Variants in HSD11B1L observed in about 807,000 individuals in gnomAD.
HSD11B1L encodes the protein hydroxysteroid 11-beta-dehydrogenase 1-like protein.
HSD11B1L carries 22 observed loss-of-function variants against 27.0 expected under a neutral mutation model. The observed-to-expected ratio is 0.81, with a 90% CI of 0.58 to 1.16. The LOEUF (loss-of-function observed/expected upper bound fraction) is 1.16, where lower values mean the gene tolerates loss of function less well. Ranked by LOEUF, HSD11B1L falls within the 50% of genes most tolerant of loss-of-function variation. HSD11B1L has a pLI of 0.00. For synonymous variants in HSD11B1L, 187 were observed against 189.2 expected (o/e 0.99, Z 0.09); for missense variants, 372 against 401.8 (o/e 0.93, Z 0.63).
chr19:5,687,447 G>A lies in HSD11B1L; in HGVS notation c.503-56G>A. 1 of 1,592,762 alleles carries A rather than the reference G, an allele frequency of 6.3e-7. No homozygotes were observed. Among genetic ancestry groups the A allele is most frequent in the Non-Finnish European group, 8.5e-7 (1 of 1,173,694 alleles). On this transcript the variant is annotated intron_variant, in intron 6 of 7. Transcript: ENST00000339423. The surrounding 1 kb of genome is among the most constrained non-coding windows in gnomAD (Gnocchi z 6.6). ...CGATGCGGGTGAGCCTGGAGGGTCT[G>A]GGCAGGCTTCCCGGACGAGGGGGAG...
At position 5,687,196 on chromosome 19, in the gene HSD11B1L, C is replaced by A; in HGVS notation, c.409-86C>A. 1 of 1,444,608 alleles carries A rather than the reference C, an allele frequency of 6.9e-7. No individual in the cohort carries two copies. The highest frequency in any genetic ancestry group is 9.5e-7 in the Non-Finnish European group (1 of 1,054,310). 89.5% of individuals were successfully genotyped at this position (1,444,608 alleles called of 1,614,324 possible). A position where few individuals can be genotyped will look rare whatever the true frequency, so the allele number is the denominator to read the frequency against. ...CGGGTTTCTGGCCCCGTCTCTGACC[C>A]GGCCCTGGCCCCGCCCTCTGGGTTT... is the stretch of plus-strand genomic sequence containing the variant. On this transcript the variant is annotated intron_variant, in intron 5 of 7. Transcript: ENST00000339423. This position sits in a 1 kb window ranked among gnomAD's most constrained non-coding sequence, Gnocchi z 6.6.
intron 1 of HSD11B1L, among the ~76,000 whole-genome samples, chr19:5,681,779 C>A (rs1038757184): frequency 1.3e-5 from 2 of 151,800 alleles, no homozygotes; most frequent in African/African-American, 4.8e-5. Flanking sequence ...ATCCATCCAT[C>A]CACCCATCCA....
chr19:5,684,647 C>G, intron 1 of HSD11B1L, 172 bp from the exon 2 acceptor site: 1 of 943,190 alleles, frequency 1.1e-6, no homozygotes, highest in Non-Finnish European at 1.5e-6. Flanking sequence ...TGCGGTGGTT[C>G]ATGGAGCCGC....
chr19:5,687,751 AG>A lies in HSD11B1L; in HGVS notation c.671del. The A allele has an allele frequency of 6.7e-7, 1 of 1,485,780 alleles. No homozygotes were observed. 92.0% of individuals were successfully genotyped at this position (1,485,780 alleles called of 1,614,324 possible). ...GTCCCCACCGTGCCCTCCTGTCCCC[AG>A]GGGAGTCACGAGGGTCAAGGCGGCC... On this transcript the variant is annotated splice_acceptor_variant, in intron 7 of 7. Transcript: ENST00000339423. LOFTEE classifies it high-confidence loss of function. This position sits in a 1 kb window ranked among gnomAD's most constrained non-coding sequence, Gnocchi z 6.6.
Position 5,686,496 on chromosome 19 carries a change from G to A in HSD11B1L, c.285G>A (p.Glu95=), listed in dbSNP as rs1233773654. Reference sequence around the variant, plus strand: ...ACATGGCCTCCCCTGAGGCGCCCGAGAGCGTGGTGCAGTTTGCGCTGGACA... The same window carrying A: ...ACATGGCCTCCCCTGAGGCGCCCGAAAGCGTGGTGCAGTTTGCGCTGGACA... The part of the protein sequence containing the change: ...AADMASPEAP[E]SVVQFALDKL... Residue 95 remains glutamate (E), a synonymous_variant, in exon 4 of 8, where the codon GAG becomes GAA. Transcript: ENST00000339423. 9 of 1,584,652 alleles carry A rather than the reference G, an allele frequency of 5.7e-6. No individual in the cohort carries two copies. In the South Asian group the frequency reaches 5.8e-5, roughly 10 times the overall value.
At chr19:5,684,071 G>T in intron 1 of HSD11B1L, 1 of 479,758 alleles carries the variant, frequency 2.1e-6, no homozygotes, top group Non-Finnish European at 3.7e-6. Flanking sequence ...TGCCTCCCAG[G>T]TTCAAGCGAT....
Position 5,686,916 on chromosome 19 carries a change from C to T in HSD11B1L, c.333C>T (p.Leu111=), listed in dbSNP as rs1269320221. ...CTGGGCCAGGCGGGCTGGACTACCT[C>T]GTGCTGAACCACATCGGCGGCGCCC... The part of the protein sequence containing the change: ...ALDKLGGLDY[L]VLNHIGGAPA... The change falls in exon 5 of 8, where the codon CTC becomes CTT. Residue 111 remains leucine (L), a synonymous_variant. Coordinates refer to ENST00000339423, the MANE Select transcript of HSD11B1L (RefSeq NM_198706.3). The T allele has an allele frequency of 1.3e-6, 2 of 1,552,478 alleles. No individual in the cohort carries two copies. Among genetic ancestry groups the T allele is most frequent in the Non-Finnish European group, 8.7e-7 (1 of 1,148,634 alleles).
rs145508592 is a variant in HSD11B1L, at chr19:5,687,363, T to G, written c.490T>G (p.Ser164Ala). ...TDSKGSLVVV[S>A]SLLGRVPTSF... ...CAGCAAGGGCTCCCTGGTGGTGGTGTCCTCGCTGCTCGGTGCGTGCACCCG... is the reference window on the plus strand; with the variant it reads ...CAGCAAGGGCTCCCTGGTGGTGGTGGCCTCGCTGCTCGGTGCGTGCACCCG... The change falls in exon 6 of 8, where the codon TCC becomes GCC. Residue 164 changes from serine to alanine, a missense_variant. Physicochemically the swap from Ser to Ala is moderately conservative, Grantham distance 99 (BLOSUM62 1). Coordinates refer to ENST00000339423, the MANE Select transcript of HSD11B1L (RefSeq NM_198706.3). The surrounding 1 kb of genome is among the most constrained non-coding windows in gnomAD (Gnocchi z 6.6). The G allele has an allele frequency of 5.8e-5, 93 of 1,612,086 alleles. No homozygotes were observed. In the African/African-American group the frequency reaches 7.7e-4, roughly 13 times the overall value.
chr19:5,687,967 G>C lies in HSD11B1L; in HGVS notation c.*22G>C. On this transcript the variant is annotated 3_prime_UTR_variant, in exon 8 of 8. Coordinates refer to ENST00000339423, the MANE Select transcript of HSD11B1L (RefSeq NM_198706.3). The surrounding 1 kb of genome is among the most constrained non-coding windows in gnomAD (Gnocchi z 6.6). ...CTGAGCACCGGGGGGTGCCCCTCCA[G>C]TCCCAGACGGCAATGTTCCTCCCTC... 1 of 1,554,976 alleles carries C rather than the reference G, an allele frequency of 6.4e-7. No homozygotes were observed. The highest frequency in any genetic ancestry group is 2.4e-5 in the East Asian group (1 of 41,126).
Position 5,685,392 on chromosome 19 carries a change from A to C in HSD11B1L, c.204+273A>C. The C allele has an allele frequency of 1.8e-6, 1 of 570,386 alleles. No homozygotes were observed. 35.3% of individuals were successfully genotyped at this position (570,386 alleles called of 1,614,324 possible). A position where few individuals can be genotyped will look rare whatever the true frequency, so the allele number is the denominator to read the frequency against. On this transcript the variant is annotated intron_variant, in intron 3 of 7. Transcript: ENST00000339423. The surrounding 1 kb of genome is among the most constrained non-coding windows in gnomAD (Gnocchi z 4.3). The stretch of plus-strand genomic sequence containing the variant: ...GGAGTTCAAGACCAGCCTGGCCAAC[A>C]TGGCGAAACCTGGTCTCTACTAAGA...
chr19:5,684,171 G>T, intron 1 of HSD11B1L: 1 of 390,060 alleles, frequency 2.6e-6, no homozygotes, highest in Non-Finnish European at 4.5e-6. Flanking sequence ...GCCTGCCACC[G>T]CGCCCGGCTA....
chr19:5,687,580 CG>C lies in HSD11B1L; in HGVS notation c.583del (p.Glu195SerfsTer7). 1 of 1,599,054 alleles carries C rather than the reference CG, an allele frequency of 6.3e-7. No homozygotes were observed. On this transcript the variant is annotated frameshift_variant, in exon 7 of 8. Transcript: ENST00000339423. LOFTEE classifies it high-confidence loss of function. The surrounding 1 kb of genome is among the most constrained non-coding windows in gnomAD (Gnocchi z 6.6). Reference sequence around the variant, plus strand: ...GGACGGCTTCTTCGGCTCCCTGCGGCGGGAGCTGGACGTGCAGGACGTGAAC... The same window carrying C: ...GGACGGCTTCTTCGGCTCCCTGCGGCGGAGCTGGACGTGCAGGACGTGAAC... ...ALDGFFGSLR[R>X]ELDVQDVNVA...
At position 5,687,020 on chromosome 19, in the gene HSD11B1L, G is replaced by T. The variant is rs1230049636; in HGVS notation, c.408+29G>T. Reference sequence around the variant, plus strand: ...CTCCGCTCCTCCGCGGCCCCGGCCCGCCCCTCTATCTCAGGGACCGGTGGT... The same window carrying T: ...CTCCGCTCCTCCGCGGCCCCGGCCCTCCCCTCTATCTCAGGGACCGGTGGT... On this transcript the variant is annotated intron_variant, in intron 5 of 7. Transcript: ENST00000339423. This position sits in a 1 kb window ranked among gnomAD's most constrained non-coding sequence, Gnocchi z 6.6. 2.0e-6 allele frequency: 3 copies of T among 1,515,240 alleles called. No homozygotes were observed. Among genetic ancestry groups the T allele is most frequent in the East Asian group, 2.5e-5 (1 of 40,546 alleles). The allele number at this position is 1,515,240 out of a possible 1,614,324, so 93.9% of individuals were successfully genotyped here.
chr19:5,684,798 C>T (rs1342716784), intron 1 of HSD11B1L, 21 bp from the exon 2 acceptor site: 1 of 1,613,320 alleles, frequency 6.2e-7, no homozygotes, highest in South Asian at 1.1e-5. Context: ...CCGGCCACCT[C>T]TGTCCCCTGT....
At chr19:5,682,062 C>T (rs2054567867) in intron 1 of HSD11B1L, among the ~76,000 whole-genome samples, 1 of 152,120 alleles carries the variant, frequency 6.6e-6, no homozygotes, top group African/African-American at 2.4e-5. Flanking sequence ...GTGAGGAGTT[C>T]ATTATTTTGA....
chr19:5,681,897 A>G (rs1333891634), intron 1 of HSD11B1L, among the ~76,000 whole-genome samples: 1 of 152,160 alleles, frequency 6.6e-6, no homozygotes, highest in East Asian at 1.9e-4. Context: ...CCGTCAGTCC[A>G]TCTGGTCCCA....
rs969548846 is a variant in HSD11B1L at position 5,685,325 on chromosome 19, C to T, written c.204+206C>T. 3 of 738,362 alleles carry T rather than the reference C, an allele frequency of 4.1e-6. No homozygotes were observed. The highest frequency in any genetic ancestry group is 7.1e-6 in the Non-Finnish European group (3 of 423,022). The allele number at this position is 738,362 out of a possible 1,614,324, so 45.7% of individuals were successfully genotyped here. On this transcript the variant is annotated intron_variant, in intron 3 of 7. Coordinates refer to ENST00000339423, the MANE Select transcript of HSD11B1L (RefSeq NM_198706.3). This position sits in a 1 kb window ranked among gnomAD's most constrained non-coding sequence, Gnocchi z 4.3. ...AGGCACGGTGGCTCACGCTTGTAGT[C>T]AGCACTTTGGGAGGCCGAGGAAAGT...
chr19:5,687,349 C>A lies in HSD11B1L; in HGVS notation c.476C>A (p.Ser159Tyr). ...CCCAGCCTGACGGACAGCAAGGGCT[C>A]CCTGGTGGTGGTGTCCTCGCTGCTC... ...ALPSLTDSKG[S>Y]LVVVSSLLGR... Residue 159 changes from serine to tyrosine, a missense_variant, in exon 6 of 8, where the codon TCC becomes TAC. By Grantham distance (144) the Ser-to-Tyr change is moderately radical. Coordinates refer to ENST00000339423, the MANE Select transcript of HSD11B1L (RefSeq NM_198706.3). This position sits in a 1 kb window ranked among gnomAD's most constrained non-coding sequence, Gnocchi z 6.6. The A allele has an allele frequency of 1.2e-6, 2 of 1,612,734 alleles. No homozygotes were observed. Among genetic ancestry groups the A allele is most frequent in the South Asian group, 1.1e-5 (1 of 91,066 alleles).
At position 5,687,181 on chromosome 19, in the gene HSD11B1L, G is replaced by A. The variant is rs2054719791; in HGVS notation, c.409-101G>A. The A allele has an allele frequency of 3.0e-6, 4 of 1,350,866 alleles. No homozygotes were observed. The highest frequency in any genetic ancestry group is 4.1e-6 in the Non-Finnish European group (4 of 981,286). The allele number at this position is 1,350,866 out of a possible 1,614,324, so 83.7% of individuals were successfully genotyped here. On this transcript the variant is annotated intron_variant, in intron 5 of 7. Coordinates refer to ENST00000339423, the MANE Select transcript of HSD11B1L (RefSeq NM_198706.3). The surrounding 1 kb of genome is among the most constrained non-coding windows in gnomAD (Gnocchi z 6.6). ...CTCGGACCCGCCTTCCGGGTTTCTG[G>A]CCCCGTCTCTGACCCGGCCCTGGCC...
Sources: gnomAD v4.1 joint callset for allele counts (sites outside exome capture counted in the v4.1 genomes callset) on GRCh38, gnomAD v4.1.1 for gene constraint, Gnocchi (gnomAD v3.1) non-coding constraint, MANE v1.5 for transcripts, NCBI Gene and HGNC (gene_info 2026-07-23, HGNC 2026-07-21) for gene names.